LRP4: variants seen among roughly 807,000 people sequenced by gnomAD.
LRP4 encodes the protein low-density lipoprotein receptor-related protein 4.
LRP4 carries 95 observed loss-of-function variants against 220.3 expected under a neutral mutation model. The ratio of observed to expected loss-of-function variants is 0.43; its 90% confidence interval spans 0.37 to 0.51. LRP4 has a LOEUF of 0.51. Among genes scored for constraint, LRP4 ranks in the 20% least tolerant of loss-of-function variants. The pLI, the probability that LRP4 is intolerant of heterozygous loss-of-function variation, is 0.00. For missense variants in LRP4, 1,925 were observed against 2,567.0 expected (o/e 0.75, Z 5.40); for synonymous variants, 903 against 954.6 (o/e 0.95, Z 1.00).
At chr11:46,896,100 A>G (rs1485893699) in intron 9 of LRP4, 82 bp from the exon 10 acceptor site, 10 of 1,612,034 alleles carry the variant, frequency 6.2e-6, no homozygotes, top group Non-Finnish European at 8.5e-6. Flanking sequence ...CTGGACCACA[A>G]AGAACAGCTC....
chr11:46,901,782 G>C (rs1269457480), intron 2 of LRP4, among the ~76,000 whole-genome samples: 2 of 152,004 alleles, frequency 1.3e-5, no homozygotes, highest in Non-Finnish European at 2.9e-5. Flanking sequence ...GCCCAATCTG[G>C]AGTGCAGTGG....
At chr11:46,900,475 T>C in intron 2 of LRP4, 97 bp from the exon 3 acceptor site, 2 of 805,170 alleles carry the variant, frequency 2.5e-6, no homozygotes, top group Non-Finnish European at 4.4e-6. Flanking sequence ...TCCCCTTGTC[T>C]TTTTTTCTTT....
At position 46,899,820 on chromosome 11, in the gene LRP4, C is replaced by G; in HGVS notation, c.430+43G>C. The G allele has an allele frequency of 6.6e-7, 1 of 1,512,702 alleles. No individual in the cohort carries two copies. The highest frequency in any genetic ancestry group is 9.2e-7 in the Non-Finnish European group (1 of 1,089,374). The allele number at this position is 1,512,702 out of a possible 1,614,324, so 93.7% of individuals were successfully genotyped here. On this transcript the variant is annotated intron_variant, in intron 4 of 37. Transcript: ENST00000378623. The surrounding 1 kb of genome is among the most constrained non-coding windows in gnomAD (Gnocchi z 5.9). ...CTATCTTCTCCCATGGCCAGGCCAC[C>G]CACTGGCCACCTTGCCTGCCTTCCC...
chr11:46,870,088 A>T (rs1483785195), intron 31 of LRP4, among the ~76,000 whole-genome samples: 2 of 150,972 alleles, frequency 1.3e-5, no homozygotes, highest in African/African-American at 2.4e-5. Flanking sequence ...CCTGGGTGAC[A>T]GAGCGAGACT....
Position 46,889,464 on chromosome 11 carries a change from G to A in LRP4, c.2162C>T (p.Thr721Ile). The A allele has an allele frequency of 6.2e-7, 1 of 1,614,108 alleles. No individual in the cohort carries two copies. Among genetic ancestry groups the A allele is most frequent in the Admixed American group, 1.7e-5 (1 of 60,010 alleles). The part of the protein sequence containing the change: ...HLCLPSGQNY[T>I]CACPTGFRKI... Reference sequence around the variant, plus strand: ...GCGGAAGCCAGTGGGGCAGGCACAGGTGTAGTTCTGGCCACTGGGCAGACA... The same window carrying A: ...GCGGAAGCCAGTGGGGCAGGCACAGATGTAGTTCTGGCCACTGGGCAGACA... Residue 721 changes from threonine to isoleucine, a missense_variant, in exon 16 of 38, where the codon ACC becomes ATC. By Grantham distance (89) the Thr-to-Ile change is moderately conservative (BLOSUM62 -1). Around this residue, in one of 3 missense-constraint regions of LRP4, gnomAD observed 1,244 missense variants for 1,624.9 expected, o/e 0.77. Coordinates refer to ENST00000378623, the MANE Select transcript of LRP4 (RefSeq NM_002334.4).
rs61749083 is a variant in LRP4, at chr11:46,894,635, G to A, written c.1494C>T (p.Asn498=). Residue 498 remains asparagine, a synonymous_variant, in exon 12 of 38, where the codon AAC becomes AAT. Coordinates refer to ENST00000378623, the MANE Select transcript of LRP4 (RefSeq NM_002334.4). ...ACACAACCTCCTCCACGTTGCTGCC[G>A]TTGAGGTTGGCACGGAGGATCCGGT... is the stretch of plus-strand genomic sequence containing the variant. ...TLDRILRANL[N]GSNVEEVVST... 789 of 1,613,848 alleles carry A rather than the reference G, an allele frequency of 4.9e-4. 4 individuals are homozygous for A. The African/African-American group carries it at 7.2e-3, about 15-fold the overall frequency.
intron 31 of LRP4, among the ~76,000 whole-genome samples, 155 bp downstream of exon 31, chr11:46,871,370 C>T (rs1940857808): frequency 6.6e-6 from 1 of 152,130 alleles, no homozygotes; most frequent in African/African-American, 2.4e-5. Context: ...GTGGCCCTAC[C>T]AACCTACCAA....
In LRP4 at chr11:46,856,824, C is replaced by T. The variant is rs1202216028; in HGVS notation, c.*2159G>A. On this transcript the variant is annotated 3_prime_UTR_variant, in exon 38 of 38. Coordinates refer to ENST00000378623, the MANE Select transcript of LRP4 (RefSeq NM_002334.4). This position sits in a 1 kb window ranked among gnomAD's most constrained non-coding sequence, Gnocchi z 4.1. ...TTTTCCACAGCATGGGTCTGCCAGA[C>T]AGAGCAGGTGCAGGATTAGTCATGA... 1.3e-5 allele frequency: 2 copies of T among 152,588 alleles called. No homozygotes were observed. Among genetic ancestry groups the T allele is most frequent in the African/African-American group, 4.8e-5 (2 of 41,452 alleles). 9.5% of individuals were successfully genotyped at this position (152,588 alleles called of 1,614,324 possible).
At chr11:46,884,268 AAC>A (rs1393119472) in intron 18 of LRP4, among the ~76,000 whole-genome samples, 2 of 152,222 alleles carry the variant, frequency 1.3e-5, no homozygotes, top group Non-Finnish European at 2.9e-5. Context: ...AGCTTGTTAA[AAC>A]ACAGATTTCT....
chr11:46,876,945 A>G (rs892513761), intron 23 of LRP4, 115 bp from the exon 24 acceptor site: 1 of 949,236 alleles, frequency 1.1e-6, no homozygotes, highest in Non-Finnish European at 1.7e-6. Context: ...AGCCTCTAGC[A>G]GAGGAAATCA....
At chr11:46,863,012 C>A in intron 36 of LRP4, 4 of 473,796 alleles carry the variant, frequency 8.4e-6, no homozygotes, top group Non-Finnish European at 1.5e-5. Flanking sequence ...CTCCCTCATT[C>A]TCTTTTGCTC....
At position 46,857,262 on chromosome 11, in the gene LRP4, T is replaced by G. The variant is rs958573003; in HGVS notation, c.*1721A>C. On this transcript the variant is annotated 3_prime_UTR_variant, in exon 38 of 38. Coordinates refer to ENST00000378623, the MANE Select transcript of LRP4 (RefSeq NM_002334.4). ...GGCTCAGAACTGGGGCTGACGCTAC[T>G]GAGAGCAAGGCTAAGGGCCTGGTAT... The G allele has an allele frequency of 4.6e-5, 7 of 152,410 alleles. No individual in the cohort carries two copies. Among genetic ancestry groups the G allele is most frequent in the Non-Finnish European group, 1.0e-4 (7 of 68,082 alleles). The allele number at this position is 152,410 out of a possible 1,614,324, so 9.4% of individuals were successfully genotyped here.
intron 1 of LRP4, among the ~76,000 whole-genome samples, chr11:46,907,925 T>C (rs1443710146): frequency 6.6e-6 from 1 of 152,196 alleles, no homozygotes; most frequent in Non-Finnish European, 1.5e-5. Context: ...AAAAGCTTCA[T>C]AATAATATAA....
chr11:46,904,975 C>CAA (rs10589238), intron 1 of LRP4, among the ~76,000 whole-genome samples: 17 of 44,282 alleles, frequency 3.8e-4, no homozygotes, highest in Non-Finnish European at 5.7e-4. Context: ...GACCTTGTCT[C>CAA]AAAAAAAAAA....
chr11:46,871,136 C>G lies in LRP4; in HGVS notation c.4692+389G>C, dbSNP rs1372983679. On this transcript the variant is annotated intron_variant, in intron 31 of 37. Coordinates refer to ENST00000378623, the MANE Select transcript of LRP4 (RefSeq NM_002334.4). ...TTGCCACTAAGTGAGCTCCCTATGC[C>G]CAGATGCTGGGACCGCAGCATTAGG... 5.3e-5 allele frequency among the ~76,000 whole-genome samples: 8 copies of G among 152,132 alleles called. No homozygotes were observed. The South Asian group carries it at 1.7e-3, about 31-fold the overall frequency.
chr11:46,911,580 A>G (rs1462528042), intron 1 of LRP4, among the ~76,000 whole-genome samples: 1 of 131,052 alleles, frequency 7.6e-6, no homozygotes. Flanking sequence ...TAGAGTGAGA[A>G]CCTGTCTCAA....
Position 46,885,904 on chromosome 11 carries a change from TGAGCTTCTCACGTGG to T in LRP4, c.2506+172_2506+186del, listed in dbSNP as rs1171045831. Among the ~76,000 whole-genome samples the T allele has an allele frequency of 7.9e-5, 12 of 152,298 alleles. No homozygotes were observed. In the East Asian group the frequency reaches 1.3e-3, roughly 17 times the overall value. On this transcript the variant is annotated intron_variant, in intron 18 of 37. Transcript: ENST00000378623. Reference sequence around the variant, plus strand: ...CACAGCAGAAGCAGCTGCCACAATGTGAGCTTCTCACGTGGGAGCTTCTCACTTCGGCTCTGCAGC... The same window carrying T: ...CACAGCAGAAGCAGCTGCCACAATGTGAGCTTCTCACTTCGGCTCTGCAGC...
Position 46,892,984 on chromosome 11 carries a change from A to G in LRP4, c.1686T>C (p.His562=). 6.8e-6 allele frequency: 11 copies of G among 1,613,510 alleles called. No individual in the cohort carries two copies. The highest frequency in any genetic ancestry group is 9.3e-6 in the Non-Finnish European group (11 of 1,179,934). Reference sequence around the variant, plus strand: ...GAGATACAACTTACCCCTCCATGGGATGCAAGGCAATGGCCCGGGGCTTCT... The same window carrying G: ...GAGATACAACTTACCCCTCCATGGGGTGCAAGGCAATGGCCCGGGGCTTCT... The part of the protein sequence containing the change: ...NLEKPRAIAL[H]PMEGTIYWTD... The change falls in exon 13 of 38, where the codon CAT becomes CAC. Residue 562 remains histidine (H), a synonymous_variant. Transcript: ENST00000378623.
chr11:46,871,555 G>C lies in LRP4; in HGVS notation c.4662C>G (p.Ser1554Arg). ...TGAGGGCAAAGGGGTGGGACACATG[G>C]CTGACCAAGACCTGCCGCAGTTTCC... is the stretch of plus-strand genomic sequence containing the variant. ...LNGKLRQVLV[S>R]HVSHPFALTQ... Residue 1554 changes from serine to arginine, a missense_variant, in exon 31 of 38, where the codon AGC (serine) becomes AGG (arginine). Ser to Arg is a moderately radical substitution (Grantham distance 110). This residue lies in a region of LRP4 where 1,244 missense variants were observed against 1,624.9 expected (regional missense o/e 0.77). Coordinates refer to ENST00000378623, the MANE Select transcript of LRP4 (RefSeq NM_002334.4). The C allele has an allele frequency of 6.2e-7, 1 of 1,613,032 alleles. No individual in the cohort carries two copies. The highest frequency in any genetic ancestry group is 1.1e-5 in the South Asian group (1 of 90,722).
Sources: allele counts gnomAD v4.1 joint callset (sites outside exome capture counted in the v4.1 genomes callset), GRCh38; gene constraint gnomAD v4.1.1; regional missense constraint gnomAD v4.1.1; non-coding constraint Gnocchi (gnomAD v3.1); transcripts MANE v1.5; gene names NCBI Gene and HGNC (gene_info 2026-07-23, HGNC 2026-07-21).